The following WWTR1 variants were observed in gnomAD, a reference collection of about 807,000 sequenced individuals.
The protein encoded by WWTR1 is WW domain containing transcription regulator 1, also known as WW domain-containing transcription regulator protein 1.
WWTR1 carries 13 observed loss-of-function variants against 40.1 expected under a neutral mutation model. The observed-to-expected ratio is 0.32, with a 90% CI of 0.21 to 0.52. The LOEUF is 0.52. WWTR1 is among the 20% of genes least tolerant of loss of function. WWTR1 has a pLI of 0.97. For missense variants in WWTR1, 436 were observed against 523.1 expected (o/e 0.83, Z 1.63); for synonymous variants, 230 against 210.1 (o/e 1.09, Z -0.82).
Position 149,625,519 on chromosome 3 carries a change from G to A in WWTR1, c.431+31357C>T, listed in dbSNP as rs1740506273. ...AAAAATTAGGGGCTGAGCATGGTAT[G>A]GTGGCTCATGCCTGTAATCCCAGCA... On this transcript the variant is annotated intron_variant, in intron 2 of 6. Coordinates refer to ENST00000360632, the MANE Select transcript of WWTR1 (RefSeq NM_015472.6). Among the ~76,000 whole-genome samples, 2 of 152,036 alleles carry A rather than the reference G, an allele frequency of 1.3e-5. 1 individual carries two copies. Among genetic ancestry groups the A allele is most frequent in the South Asian group, 4.2e-4 (2 of 4,814 alleles).
At chr3:149,549,432 G>A (rs752800895) in intron 3 of WWTR1, among the ~76,000 whole-genome samples, 8 of 152,158 alleles carry the variant, frequency 5.3e-5, no homozygotes, top group Non-Finnish European at 1.0e-4. Flanking sequence ...CAATAGAAAG[G>A]CATCTTACAA....
In WWTR1 at chr3:149,518,292, C is replaced by A. The variant is rs751503676; in HGVS notation, c.*2513G>T. ...CCACAAGCTTACTAGAAAATTACTT[C>A]TAAAAATTGGTAATATAAATCATCA... On this transcript the variant is annotated 3_prime_UTR_variant, in exon 7 of 7. Transcript: ENST00000360632. The A allele has an allele frequency of 6.6e-6, 1 of 151,888 alleles. No individual in the cohort carries two copies. The allele number at this position is 151,888 out of a possible 1,614,324, so 9.4% of individuals were successfully genotyped here.
chr3:149,657,716 G>A (rs1713335169), intron 1 of WWTR1, 49 bp downstream of exon 1: 1 of 175,224 alleles, frequency 5.7e-6, no homozygotes, highest in Admixed American at 5.9e-5. Context: ...GAGGAGCCTG[G>A]AGCCCTGGAG....
intron 2 of WWTR1, among the ~76,000 whole-genome samples, chr3:149,592,042 A>G (rs977953166): frequency 1.3e-5 from 2 of 152,168 alleles, no homozygotes; most frequent in African/African-American, 2.4e-5. Flanking sequence ...GACTGTGAGG[A>G]GACACAGCTA....
chr3:149,536,832 T>C (rs1030182442), intron 4 of WWTR1, among the ~76,000 whole-genome samples: 3 of 151,952 alleles, frequency 2.0e-5, no homozygotes, highest in African/African-American at 7.2e-5. Context: ...ATGATTTCTC[T>C]ACAAGGCAGC....
intron 4 of WWTR1, among the ~76,000 whole-genome samples, chr3:149,720,977 A>G (rs1189936771): frequency 6.6e-6 from 1 of 151,912 alleles, no homozygotes; most frequent in Non-Finnish European, 1.5e-5. Flanking sequence ...GTATCCTGCT[A>G]TTTTGCTGAA....
rs544305709 is a variant in WWTR1 at position 149,532,408 on chromosome 3, T to C, written c.772-4439A>G. On this transcript the variant is annotated intron_variant, in intron 4 of 6. Coordinates refer to ENST00000360632, the MANE Select transcript of WWTR1 (RefSeq NM_015472.6). ...AACCAAAGTGTGAAATTCATCATAA[T>C]GGTCACCAAGGCTAAGAAAACAATT... is the stretch of plus-strand genomic sequence containing the variant. Among the ~76,000 whole-genome samples, 4 of 152,250 alleles carry C rather than the reference T, an allele frequency of 2.6e-5. No individual in the cohort carries two copies. In the South Asian group the frequency reaches 6.2e-4, roughly 24 times the overall value.
intron 1 of WWTR1, among the ~76,000 whole-genome samples, chr3:149,671,450 T>TTCTCC (rs1350268743): frequency 2.0e-5 from 3 of 152,204 alleles, no homozygotes; most frequent in African/African-American, 7.2e-5. Context: ...TTGAAGCCTC[T>TTCTCC]TCAAAAGTTT....
intron 1 of WWTR1, among the ~76,000 whole-genome samples, chr3:149,684,443 AT>A (rs1419115067): frequency 6.6e-6 from 1 of 152,206 alleles, no homozygotes; most frequent in Non-Finnish European, 1.5e-5. Context: ...TGAACTATTC[AT>A]TACTTTAAAA....
At chr3:149,579,678 C>G (rs1738052382) in intron 2 of WWTR1, among the ~76,000 whole-genome samples, 1 of 152,226 alleles carries the variant, frequency 6.6e-6, no homozygotes, top group South Asian at 2.1e-4. Flanking sequence ...AGCTGCCAAG[C>G]CTATGATATT....
chr3:149,712,401 CTCTAAA>C (rs1300647987), intron 5 of WWTR1, among the ~76,000 whole-genome samples: 1 of 152,178 alleles, frequency 6.6e-6, no homozygotes, highest in Admixed American at 6.5e-5. Flanking sequence ...ATTATCATTT[CTCTAAA>C]TCAGATTTTT....
chr3:149,627,874 G>A (rs1263881587), intron 2 of WWTR1, among the ~76,000 whole-genome samples: 8 of 148,910 alleles, frequency 5.4e-5, no homozygotes, highest in African/African-American at 2.0e-4. Context: ...GGGAGCTCGC[G>A]ACTAGCCTGA....
At chr3:149,573,430 A>C (rs145699250) in intron 2 of WWTR1, among the ~76,000 whole-genome samples, 246 of 152,282 alleles carry the variant, frequency 1.6e-3, no homozygotes, top group Non-Finnish European at 3.1e-3. Context: ...TAGAATTGAC[A>C]TAATGAGGAT....
At chr3:149,538,712 C>G (rs1046993196) in intron 4 of WWTR1, among the ~76,000 whole-genome samples, 3 of 152,202 alleles carry the variant, frequency 2.0e-5, no homozygotes, top group Non-Finnish European at 4.4e-5. Flanking sequence ...ATCTGATGCT[C>G]ACTTTCACAG....
chr3:149,643,066 GC>G (rs1228224252), intron 2 of WWTR1, among the ~76,000 whole-genome samples: 3 of 152,064 alleles, frequency 2.0e-5, no homozygotes, highest in Non-Finnish European at 4.4e-5. Context: ...TACAATACAA[GC>G]TTTAACTACA....
chr3:149,723,005 T>G (rs1326088195), intron 4 of WWTR1, among the ~76,000 whole-genome samples: 1 of 152,158 alleles, frequency 6.6e-6, no homozygotes, highest in South Asian at 2.1e-4. Flanking sequence ...CAACCATTTT[T>G]AGGTCTCTTT....
At chr3:149,598,634 G>A (rs1739108493) in intron 2 of WWTR1, among the ~76,000 whole-genome samples, 1 of 152,074 alleles carries the variant, frequency 6.6e-6, no homozygotes, top group African/African-American at 2.4e-5. Flanking sequence ...TGACCATATT[G>A]TGGAAAATGC....
intron 1 of WWTR1, among the ~76,000 whole-genome samples, chr3:149,695,637 T>C (rs1277368606): frequency 6.6e-6 from 1 of 150,976 alleles, no homozygotes; most frequent in Non-Finnish European, 1.5e-5. Context: ...GGCAGGCGCC[T>C]GTAATCCCAG....
chr3:149,622,502 G>GAAGGAAGAAAGAAAGAAAGAAAAGAAAGA (rs1553800283), intron 2 of WWTR1, among the ~76,000 whole-genome samples: 4 of 46,328 alleles, frequency 8.6e-5, no homozygotes, highest in African/African-American at 2.4e-4. Flanking sequence ...AGGAAGGAAG[G>GAAGGAAGAAAGAAAGAAAGAAAAGAAAGA]AAGAAAGAAA....
Sources: allele counts gnomAD v4.1 joint callset (sites outside exome capture counted in the v4.1 genomes callset), GRCh38; gene constraint gnomAD v4.1.1; transcripts MANE v1.5; gene names NCBI Gene and HGNC (gene_info 2026-07-23, HGNC 2026-07-21).